The following PIGN variants were observed in gnomAD, a reference collection of about 807,000 sequenced individuals.
PIGN encodes the protein phosphatidylinositol glycan anchor biosynthesis class N.
PIGN carries 117 observed loss-of-function variants against 125.4 expected under a neutral mutation model. That is an observed-to-expected ratio of 0.93 (90% CI 0.80 to 1.09). The LOEUF is 1.09. Ranked by LOEUF, PIGN falls within the 50% of genes least tolerant of loss-of-function variation. The probability of loss-of-function intolerance (pLI) is 0.00; values close to 1 mark genes in which losing one functional copy is unlikely to be tolerated. For synonymous variants in PIGN, 392 were observed against 377.8 expected (o/e 1.04, Z -0.44); for missense variants, 1,075 against 1,094.9 (o/e 0.98, Z 0.26).
chr18:62,185,649 T>C (rs1383139776), intron 1 of PIGN, among the ~76,000 whole-genome samples: 2 of 152,272 alleles, frequency 1.3e-5, no homozygotes, highest in African/African-American at 4.8e-5. Flanking sequence ...ACACACTGAA[T>C]GTAATATGTC....
chr18:62,049,707 G>C (rs911445878), intron 30 of PIGN, among the ~76,000 whole-genome samples: 2 of 150,884 alleles, frequency 1.3e-5, no homozygotes, highest in Non-Finnish European at 3.0e-5. Context: ...AGTTTAATTA[G>C]ATCCCATTTG....
intron 23 of PIGN, among the ~76,000 whole-genome samples, chr18:62,035,745 C>T (rs1398696262): frequency 6.9e-6 from 1 of 145,648 alleles, no homozygotes; most frequent in Non-Finnish European, 1.5e-5. Flanking sequence ...TCTCATTGTT[C>T]GATTCCCACC....
intron 14 of PIGN, chr18:62,138,039 C>T: frequency 1.6e-6 from 1 of 631,784 alleles, no homozygotes; most frequent in Non-Finnish European, 2.6e-6. Flanking sequence ...ATTCCCTCAT[C>T]CCTCTTCCAG....
chr18:62,049,514 T>A (rs1467341205), intron 30 of PIGN, among the ~76,000 whole-genome samples: 1 of 152,010 alleles, frequency 6.6e-6, no homozygotes, highest in Non-Finnish European at 1.5e-5. Flanking sequence ...TTGAGAAGTG[T>A]CTGTCCATGT....
chr18:62,104,389 A>G lies in PIGN; in HGVS notation c.1859+1154T>C, dbSNP rs1267016589. Among the ~76,000 whole-genome samples the G allele has an allele frequency of 3.9e-5, 6 of 152,306 alleles. No homozygotes were observed. In the South Asian group the frequency reaches 1.2e-3, roughly 32 times the overall value. On this transcript the variant is annotated intron_variant, in intron 20 of 30. Coordinates refer to ENST00000640252, the MANE Select transcript of PIGN (RefSeq NM_176787.5). ...TAGGCAGAGACTGACAAAGGGAAGG[A>G]AAGGGGCTTTATAGAAACAATACAA...
At chr18:62,089,512 G>C (rs896215200) in intron 24 of PIGN, among the ~76,000 whole-genome samples, 3 of 152,048 alleles carry the variant, frequency 2.0e-5, no homozygotes, top group Admixed American at 2.0e-4. Flanking sequence ...TTTGCTTTTA[G>C]TTAAAAACAT....
At chr18:62,023,530 G>A (rs979576702) in intron 23 of PIGN, among the ~76,000 whole-genome samples, 5 of 152,222 alleles carry the variant, frequency 3.3e-5, no homozygotes, top group African/African-American at 9.6e-5. Context: ...CCTTCAGCAC[G>A]TTTTTGTGGC....
chr18:62,166,006 G>C (rs897276995), intron 1 of PIGN, among the ~76,000 whole-genome samples: 1 of 152,158 alleles, frequency 6.6e-6, no homozygotes, highest in Non-Finnish European at 1.5e-5. Context: ...GTCAGTAAAG[G>C]GTTTTCCTAA....
Position 62,105,617 on chromosome 18 carries a change from C to T in PIGN, c.1785G>A (p.Trp595Ter). 6.5e-7 allele frequency: 1 copy of T among 1,549,984 alleles called. No individual in the cohort carries two copies. Among genetic ancestry groups the T allele is most frequent in the Non-Finnish European group, 8.7e-7 (1 of 1,146,240 alleles). Reference sequence around the variant, plus strand: ...CTGCCAGGAGCAAAGAGAAGAAAGTCCAACTCAGTGAGGTCATCTAAAATC... The same window carrying T: ...CTGCCAGGAGCAAAGAGAAGAAAGTTCAACTCAGTGAGGTCATCTAAAATC... The part of the protein sequence containing the change: ...WTRAKMTSLS[W>*]TFFSLLLAVF... Residue 595 changes from tryptophan to a stop codon, truncating the protein, a stop_gained, in exon 20 of 31, where the codon TGG becomes TGA. Transcript: ENST00000640252. LOFTEE classifies it high-confidence loss of function.
In PIGN at chr18:62,048,591, C is replaced by T. The variant is rs151151185; in HGVS notation, c.2673-2612G>A. On this transcript the variant is annotated intron_variant, in intron 30 of 30. Transcript: ENST00000640252. ...CCCAGAATCCAATAAAAATATCCCA[C>T]GGAAATAAGGGGAAATCAGAATTCA... Among the ~76,000 whole-genome samples the T allele has an allele frequency of 1.2e-3, 174 of 141,776 alleles. 2 individuals are homozygous for T. Among genetic ancestry groups the T allele is most frequent in the African/African-American group, 4.3e-3 (164 of 37,754 alleles). The allele number at this position is 141,776 out of a possible 152,430, so 93.0% of individuals were successfully genotyped here.
chr18:62,109,760 A>T (rs1286576446), intron 17 of PIGN, 74 bp downstream of exon 17: 1 of 1,308,686 alleles, frequency 7.6e-7, no homozygotes, highest in African/African-American at 1.5e-5. Context: ...ATGGTACAGA[A>T]ATCTACTGCA....
intron 30 of PIGN, among the ~76,000 whole-genome samples, chr18:62,055,300 T>C (rs1000611611): frequency 7.2e-5 from 11 of 152,176 alleles, no homozygotes; most frequent in African/African-American, 2.4e-4. Flanking sequence ...ATCCATACCA[T>C]GGATTTACTC....
chr18:62,062,457 T>G (rs1184252496), intron 30 of PIGN, among the ~76,000 whole-genome samples: 1 of 152,200 alleles, frequency 6.6e-6, no homozygotes, highest in Non-Finnish European at 1.5e-5. Context: ...ATACTGAGAA[T>G]GAGATAAACT....
chr18:62,131,724 A>C (rs986078735), intron 14 of PIGN, among the ~76,000 whole-genome samples: 1 of 152,214 alleles, frequency 6.6e-6, no homozygotes, highest in African/African-American at 2.4e-5. Flanking sequence ...TACAAGCCTA[A>C]GATAAAGAAT....
chr18:62,131,613 T>G (rs905208998), intron 14 of PIGN, among the ~76,000 whole-genome samples: 1 of 152,146 alleles, frequency 6.6e-6, no homozygotes, highest in Non-Finnish European at 1.5e-5. Context: ...TTTTATGACT[T>G]TTATTCTTTT....
chr18:62,084,332 T>C (rs571335492), intron 27 of PIGN, among the ~76,000 whole-genome samples, 199 bp downstream of exon 27: 1 of 152,318 alleles, frequency 6.6e-6, no homozygotes, highest in East Asian at 1.9e-4. Context: ...CCCTACTCTT[T>C]TGAAGTCAAA....
chr18:62,138,017 A>G (rs980706200), intron 14 of PIGN: 17 of 525,124 alleles, frequency 3.2e-5, no homozygotes, highest in Non-Finnish European at 5.5e-5. Context: ...AATATTTCTC[A>G]TGTATCTCTC....
In PIGN at chr18:62,090,446, A is replaced by G; in HGVS notation, c.2283+30T>C. ...ATAGGATAGAGACTAATAGTCTCAA[A>G]TAAAAACAAAAATGACTTTGACCAG... On this transcript the variant is annotated intron_variant, in intron 24 of 30. Coordinates refer to ENST00000640252, the MANE Select transcript of PIGN (RefSeq NM_176787.5). The G allele has an allele frequency of 2.2e-6, 3 of 1,373,964 alleles. No individual in the cohort carries two copies. In the South Asian group the frequency reaches 3.7e-5, roughly 17 times the overall value. 85.1% of individuals were successfully genotyped at this position (1,373,964 alleles called of 1,614,324 possible).
intron 1 of PIGN, among the ~76,000 whole-genome samples, chr18:62,174,841 C>T (rs2037465379): frequency 6.6e-6 from 1 of 151,050 alleles, no homozygotes; most frequent in Admixed American, 6.6e-5. Context: ...TTACTTAGTT[C>T]CTATAAAAAT....
Sources: gnomAD v4.1 joint callset for allele counts (sites outside exome capture counted in the v4.1 genomes callset) on GRCh38, gnomAD v4.1.1 for gene constraint, MANE v1.5 for transcripts, NCBI Gene and HGNC (gene_info 2026-07-23, HGNC 2026-07-21) for gene names.